AXDND1: variants seen among roughly 807,000 people sequenced by gnomAD.
AXDND1 encodes the protein axonemal dynein light chain domain-containing protein 1.
Under a neutral mutation model 137.5 loss-of-function variants are expected in AXDND1, and 110 were observed. The ratio of observed to expected loss-of-function variants is 0.80; its 90% CI spans 0.69 to 0.94. AXDND1 has a LOEUF of 0.94. Ranked by LOEUF, AXDND1 falls within the 40% of genes least tolerant of loss-of-function variation. The probability of loss-of-function intolerance (pLI) is 0.00; values close to 1 mark genes in which losing one functional copy is unlikely to be tolerated. For synonymous variants in AXDND1, 414 were observed against 399.7 expected (o/e 1.04, Z -0.43); for missense variants, 1,191 against 1,169.8 (o/e 1.02, Z -0.26).
At chr1:179,501,627 G>A (rs1323510003) in intron 20 of AXDND1, among the ~76,000 whole-genome samples, 4 of 152,038 alleles carry the variant, frequency 2.6e-5, no homozygotes, top group East Asian at 1.9e-4. Context: ...CAGGAGAATC[G>A]CTTGAACCGG....
At chr1:179,460,002 TCCTTCCTCTCCTTCCTTC>T (rs1662070660) in intron 16 of AXDND1, among the ~76,000 whole-genome samples, 1 of 137,656 alleles carries the variant, frequency 7.3e-6, no homozygotes, top group South Asian at 2.4e-4. Flanking sequence ...CTTCCTTCCT[TCCTTCCTCTCCTTCCTTC>T]CTTCTTTCAT....
chr1:179,421,084 CCTTCCTTCCTTT>C (rs1338797340), intron 12 of AXDND1, among the ~76,000 whole-genome samples: 6 of 112,026 alleles, frequency 5.4e-5, no homozygotes, highest in South Asian at 6.0e-4. Flanking sequence ...TTCCTTCCTT[CCTTCCTTCCTTT>C]CTTCCTTCTT....
chr1:179,443,434 T>C (rs774229054), intron 15 of AXDND1, among the ~76,000 whole-genome samples: 6 of 152,114 alleles, frequency 3.9e-5, no homozygotes, highest in African/African-American at 1.5e-4. Flanking sequence ...TAATCATTTT[T>C]AAGCATACAG....
At chr1:179,463,628 G>A (rs771388717) in intron 16 of AXDND1, among the ~76,000 whole-genome samples, 3 of 152,316 alleles carry the variant, frequency 2.0e-5, no homozygotes, top group Non-Finnish European at 2.9e-5. Context: ...GTAGATGTCA[G>A]TTAGGTCTGC....
chr1:179,372,363 C>A (rs1229133533), intron 4 of AXDND1, among the ~76,000 whole-genome samples: 2 of 152,106 alleles, frequency 1.3e-5, no homozygotes, highest in East Asian at 3.8e-4. Context: ...GAGGAAGTAC[C>A]TGTGCGAATA....
intron 20 of AXDND1, among the ~76,000 whole-genome samples, chr1:179,504,643 C>A (rs902559441): frequency 1.3e-5 from 2 of 152,122 alleles, no homozygotes; most frequent in African/African-American, 4.8e-5. Flanking sequence ...TTTGTGGAAG[C>A]CTTGTGCTAT....
chr1:179,427,935 A>G (rs986290315), intron 12 of AXDND1, among the ~76,000 whole-genome samples: 16 of 144,068 alleles, frequency 1.1e-4, no homozygotes, highest in African/African-American at 3.4e-4. Context: ...AGGAGACCCA[A>G]TGTAAGAGCA....
At chr1:179,374,301 C>T (rs564966687) in intron 4 of AXDND1, among the ~76,000 whole-genome samples, 104 of 152,194 alleles carry the variant, frequency 6.8e-4, no homozygotes, top group Middle Eastern at 3.4e-3. Flanking sequence ...GTTAGAATGG[C>T]GATCATTCAA....
intron 16 of AXDND1, chr1:179,456,468 T>A (rs1661422121): frequency 1.3e-6 from 1 of 767,464 alleles, no homozygotes; most frequent in East Asian, 2.4e-5. Flanking sequence ...ACCTCCGTTG[T>A]TATAGCTATT....
intron 21 of AXDND1, among the ~76,000 whole-genome samples, chr1:179,518,851 T>C (rs1442292281): frequency 6.6e-6 from 1 of 152,194 alleles, no homozygotes; most frequent in East Asian, 1.9e-4. Flanking sequence ...AGTGAACATA[T>C]GCATGCATGT....
chr1:179,540,033 A>C (rs1040415922), intron 25 of AXDND1, among the ~76,000 whole-genome samples: 1 of 151,760 alleles, frequency 6.6e-6, no homozygotes, highest in African/African-American at 2.4e-5. Flanking sequence ...TGTGTTTTTC[A>C]GCTCCGTCAG....
chr1:179,554,609 T>A lies in AXDND1; in HGVS notation c.*90T>A, dbSNP rs1673802995. 5.0e-6 allele frequency: 8 copies of A among 1,586,336 alleles called. No homozygotes were observed. Among genetic ancestry groups the A allele is most frequent in the African/African-American group, 1.3e-5 (1 of 74,460 alleles). ...CATGCCTAAACCCTGGTGGCCATTG[T>A]TCTGTACTAAGGAACAACATTCCCT... is the stretch of plus-strand genomic sequence containing the variant. On this transcript the variant is annotated 3_prime_UTR_variant, in exon 26 of 26. Transcript: ENST00000367618.
At chr1:179,453,238 A>T (rs974891537) in intron 16 of AXDND1, 13 of 152,268 alleles carry the variant, frequency 8.5e-5, no homozygotes, top group African/African-American at 3.1e-4. Flanking sequence ...GAGACCCCAC[A>T]CAGAGTCTCT....
chr1:179,504,328 C>T (rs1291081307), intron 20 of AXDND1, among the ~76,000 whole-genome samples: 1 of 152,130 alleles, frequency 6.6e-6, no homozygotes, highest in African/African-American at 2.4e-5. Context: ...CTTCTTCTGT[C>T]CACCCCAGGA....
At chr1:179,535,473 GTTTGGT>G (rs984103218) in intron 25 of AXDND1, among the ~76,000 whole-genome samples, 131 of 152,236 alleles carry the variant, frequency 8.6e-4, no homozygotes, top group African/African-American at 3.0e-3. Context: ...AACATGCGGT[GTTTGGT>G]TTTCTGTCCT....
chr1:179,445,370 A>G (rs945131661), intron 16 of AXDND1, among the ~76,000 whole-genome samples, 166 bp downstream of exon 16: 6 of 152,192 alleles, frequency 3.9e-5, no homozygotes, highest in Non-Finnish European at 8.8e-5. Flanking sequence ...TAATTTATAT[A>G]CATTACAATT....
At chr1:179,545,507 C>T (rs1396451114) in intron 25 of AXDND1, 1 of 152,194 alleles carries the variant, frequency 6.6e-6, no homozygotes, top group Non-Finnish European at 1.5e-5. Context: ...TGGCAGTGCT[C>T]CTGGCCCAAA....
chr1:179,430,139 TC>T (rs1657158216), intron 13 of AXDND1, among the ~76,000 whole-genome samples: 1 of 151,958 alleles, frequency 6.6e-6, no homozygotes, highest in Non-Finnish European at 1.5e-5. Flanking sequence ...TAGCTATAAT[TC>T]ACATTTGGTT....
chr1:179,385,090 A>G, intron 8 of AXDND1, 148 bp from the exon 9 acceptor site: 1 of 732,606 alleles, frequency 1.4e-6, no homozygotes, highest in Admixed American at 2.9e-5. Context: ...ATCAAATATC[A>G]CTTTTGTATA....
Sources: gnomAD v4.1 joint callset for allele counts (sites outside exome capture counted in the v4.1 genomes callset) on GRCh38, gnomAD v4.1.1 for gene constraint, MANE v1.5 for transcripts, NCBI Gene and HGNC (gene_info 2026-07-23, HGNC 2026-07-21) for gene names.